Variants in THSD7B observed in about 807,000 individuals in gnomAD.
The protein encoded by THSD7B is thrombospondin type-1 domain-containing protein 7B.
Under a neutral mutation model 213.6 loss-of-function variants are expected in THSD7B, and 138 were observed. That is an observed-to-expected ratio of 0.65 (90% CI 0.56 to 0.74). THSD7B has a LOEUF of 0.74. Ranked by LOEUF, THSD7B falls within the 30% of genes least tolerant of loss-of-function variation. The probability of loss-of-function intolerance (pLI) is 0.00; values close to 1 mark genes in which losing one functional copy is unlikely to be tolerated. For missense variants in THSD7B, 1,931 were observed against 1,991.5 expected (o/e 0.97, Z 0.58); for synonymous variants, 742 against 687.0 (o/e 1.08, Z -1.25).
At chr2:137,136,409 A>T (rs972937597) in intron 5 of THSD7B, among the ~76,000 whole-genome samples, 1 of 152,224 alleles carries the variant, frequency 6.6e-6, no homozygotes, top group African/African-American at 2.4e-5. Context: ...AGAGAACAAC[A>T]GAATGGTTTG....
intron 2 of THSD7B, among the ~76,000 whole-genome samples, chr2:136,921,246 G>C (rs978716148): frequency 2.7e-5 from 4 of 150,198 alleles, no homozygotes; most frequent in African/African-American, 9.8e-5. Flanking sequence ...AAACCACATA[G>C]GCAGGCCCCT....
chr2:137,229,295 G>T (rs1417575023), intron 7 of THSD7B, among the ~76,000 whole-genome samples: 2 of 152,066 alleles, frequency 1.3e-5, no homozygotes, highest in Non-Finnish European at 2.9e-5. Context: ...ATTAGATGTA[G>T]GTTGGGCCTT....
chr2:137,470,666 A>T (rs968388330), intron 15 of THSD7B, among the ~76,000 whole-genome samples: 1 of 152,232 alleles, frequency 6.6e-6, no homozygotes, highest in Admixed American at 6.5e-5. Flanking sequence ...GCTACAGAAT[A>T]CATTATTTGG....
rs116699947 is a variant in THSD7B, at chr2:136,895,446, A to T, written c.139+13129A>T. Among the ~76,000 whole-genome samples the T allele has an allele frequency of 5.9e-3, 879 of 149,434 alleles. 10 individuals are homozygous for T. Among genetic ancestry groups the T allele is most frequent in the African/African-American group, 0.021 (842 of 40,842 alleles). On this transcript the variant is annotated intron_variant, in intron 2 of 27. Transcript: ENST00000409968. ...AAAAAAAATACAACTTTTTAATACC[A>T]TGTAAATGGGTTACCATTTTGGGTG...
intron 12 of THSD7B, among the ~76,000 whole-genome samples, chr2:137,326,300 A>G (rs1490877990): frequency 1.3e-5 from 2 of 152,298 alleles, no homozygotes; most frequent in South Asian, 2.1e-4. Context: ...CATTATAACA[A>G]TACATGAACA....
chr2:137,653,700 C>T (rs951061546), intron 21 of THSD7B, among the ~76,000 whole-genome samples: 5 of 150,626 alleles, frequency 3.3e-5, no homozygotes, highest in Admixed American at 1.3e-4. Flanking sequence ...TGATCCATTC[C>T]GCTTTTGAGA....
At chr2:136,932,601 A>T (rs1254863958) in intron 2 of THSD7B, among the ~76,000 whole-genome samples, 1 of 152,210 alleles carries the variant, frequency 6.6e-6, no homozygotes. Context: ...AGAAAACATT[A>T]TTGAGAAAAT....
chr2:137,559,873 A>T (rs952751684), intron 15 of THSD7B, among the ~76,000 whole-genome samples: 1 of 152,206 alleles, frequency 6.6e-6, no homozygotes, highest in Non-Finnish European at 1.5e-5. Flanking sequence ...TACAGGAAAG[A>T]AACAGCCCCA....
chr2:137,473,093 GTT>G (rs772865121), intron 15 of THSD7B, among the ~76,000 whole-genome samples: 9 of 132,910 alleles, frequency 6.8e-5, no homozygotes, highest in Admixed American at 1.5e-4. Flanking sequence ...ACTATTAATT[GTT>G]TTTTTTTTTT....
In THSD7B at chr2:137,677,514, C is replaced by A. The variant is rs146306689; in HGVS notation, c.*909C>A. 410 of 152,550 alleles carry A rather than the reference C, an allele frequency of 2.7e-3. 8 individuals are homozygous for A. Among genetic ancestry groups the A allele is most frequent in the Non-Finnish European group, 4.3e-4 (29 of 67,994 alleles). 9.4% of individuals were successfully genotyped at this position (152,550 alleles called of 1,614,324 possible). A position where few individuals can be genotyped will look rare whatever the true frequency, so the allele number is the denominator to read the frequency against. ...CTTCTTTCAAATTTAATTATCTGAC[C>A]TCATTTAATATACATCAAACACCGA... On this transcript the variant is annotated 3_prime_UTR_variant, in exon 28 of 28. Coordinates refer to ENST00000409968, the MANE Select transcript of THSD7B (RefSeq NM_001316349.2).
At position 137,542,494 on chromosome 2, in the gene THSD7B, A is replaced by C. The variant is rs191514747; in HGVS notation, c.3139-20727A>C. On this transcript the variant is annotated intron_variant, in intron 15 of 27. Transcript: ENST00000409968. ...GAAAGGACACTGGAAAGTAATTCAA[A>C]TCTGCACAGAGAAAACAAAGAATAC... Among the ~76,000 whole-genome samples the C allele has an allele frequency of 1.6e-3, 244 of 151,820 alleles. 2 individuals carry two copies. Among genetic ancestry groups the C allele is most frequent in the African/African-American group, 5.7e-3 (238 of 41,490 alleles).
chr2:136,776,846 G>A lies in THSD7B; in HGVS notation c.-36+11159G>A, dbSNP rs115982423. ...TGCAAGCCCATGCACACACTTGTGC[G>A]CTCACACACGTATGCACACACACAC... is the stretch of plus-strand genomic sequence containing the variant. On this transcript the variant is annotated intron_variant, in intron 1 of 27. Transcript: ENST00000409968. Among the ~76,000 whole-genome samples the A allele has an allele frequency of 2.5e-3, 377 of 152,074 alleles. 3 individuals are homozygous for A. Among genetic ancestry groups the A allele is most frequent in the African/African-American group, 8.0e-3 (334 of 41,496 alleles).
chr2:137,316,064 A>G (rs76183254), intron 12 of THSD7B, among the ~76,000 whole-genome samples: 8,471 of 152,284 alleles, frequency 0.056, 317 homozygotes, highest in East Asian at 0.1. Flanking sequence ...TGATATCATC[A>G]CAGAATTATT....
chr2:136,849,271 C>T (rs1331181767), intron 1 of THSD7B, among the ~76,000 whole-genome samples: 1 of 152,092 alleles, frequency 6.6e-6, no homozygotes, highest in African/African-American at 2.4e-5. Context: ...GTTTATTGCT[C>T]ACTATACTCT....
intron 3 of THSD7B, among the ~76,000 whole-genome samples, chr2:137,060,289 A>G (rs1475304655): frequency 6.6e-6 from 1 of 151,934 alleles, no homozygotes; most frequent in East Asian, 1.9e-4. Context: ...TGTTTTGCAA[A>G]TATTTTTGAC....
chr2:137,467,827 T>G (rs1174240090), intron 15 of THSD7B, among the ~76,000 whole-genome samples: 2 of 152,142 alleles, frequency 1.3e-5, no homozygotes, highest in Non-Finnish European at 2.9e-5. Flanking sequence ...TGCAAGCTAT[T>G]TTCTGTAAAC....
At chr2:137,019,353 A>G (rs1234661571) in intron 2 of THSD7B, among the ~76,000 whole-genome samples, 3 of 152,248 alleles carry the variant, frequency 2.0e-5, no homozygotes, top group Non-Finnish European at 2.9e-5. Flanking sequence ...GTGAATAAAT[A>G]AAAGAACTGA....
chr2:137,181,160 C>T (rs562612312), intron 7 of THSD7B, among the ~76,000 whole-genome samples: 1 of 152,248 alleles, frequency 6.6e-6, no homozygotes, highest in Admixed American at 6.5e-5. Flanking sequence ...ATTTATTCAT[C>T]AGAATGGATT....
At chr2:137,539,852 A>G (rs1260654749) in intron 15 of THSD7B, among the ~76,000 whole-genome samples, 1 of 151,650 alleles carries the variant, frequency 6.6e-6, no homozygotes, top group Non-Finnish European at 1.5e-5. Flanking sequence ...TTTCGGTTGA[A>G]GATGGTGAGC....
Sources: gnomAD v4.1 joint callset for allele counts (sites outside exome capture counted in the v4.1 genomes callset) on GRCh38, gnomAD v4.1.1 for gene constraint, MANE v1.5 for transcripts, NCBI Gene and HGNC (gene_info 2026-07-23, HGNC 2026-07-21) for gene names.